The following PUDP variants were observed in gnomAD, a reference collection of about 807,000 sequenced individuals.
The protein encoded by PUDP is pseudouridine-5'-phosphatase.
In PUDP, 8 loss-of-function variants were observed where a neutral mutation model predicts 9.4. The ratio of observed to expected loss-of-function variants is 0.85; its 90% CI spans 0.50 to 1.53. The LOEUF (loss-of-function observed/expected upper bound fraction) is 1.53, where lower values mean the gene tolerates loss of function less well. Among genes scored for constraint, PUDP ranks in the 40% most tolerant of loss-of-function variants. The pLI is 0.00. For missense variants in PUDP, 188 were observed against 189.7 expected (o/e 0.99, Z 0.05); for synonymous variants, 99 against 80.7 (o/e 1.23, Z -1.22).
intron 3 of PUDP, among the ~76,000 whole-genome samples, chrX:6,851,656 C>G (rs985454689): frequency 1.8e-5 from 2 of 111,810 alleles, no homozygotes; most frequent in Non-Finnish European, 3.8e-5. Context: ...CTCTATCATA[C>G]GTATCTTCTG....
At chrX:6,906,843 T>C (rs1927774137) in intron 3 of PUDP, among the ~76,000 whole-genome samples, 1 of 111,705 alleles carries the variant, frequency 9.0e-6, no homozygotes, top group African/African-American at 3.3e-5. Flanking sequence ...ACACTGAAAA[T>C]GCAAACCCTA....
chrX:7,123,754 T>C (rs1932406803), intron 1 of PUDP, among the ~76,000 whole-genome samples: 1 of 111,436 alleles, frequency 9.0e-6, no homozygotes, highest in Non-Finnish European at 1.9e-5. Context: ...TCAGACAAAG[T>C]AGACTTAGGA....
chrX:6,744,725 G>A (rs1030752957), intron 3 of PUDP, among the ~76,000 whole-genome samples: 1 of 111,305 alleles, frequency 9.0e-6, no homozygotes, highest in African/African-American at 3.3e-5. Flanking sequence ...ACAGCTATGC[G>A]ATGACCCACT....
intron 2 of PUDP, among the ~76,000 whole-genome samples, chrX:7,099,525 G>T (rs1218866131): frequency 8.9e-6 from 1 of 112,410 alleles, no homozygotes; most frequent in Non-Finnish European, 1.9e-5. Context: ...TGCTCAAAAG[G>T]ATTTCCCACT....
At chrX:6,890,101 T>C (rs1305251320) in intron 3 of PUDP, among the ~76,000 whole-genome samples, 1 of 111,857 alleles carries the variant, frequency 8.9e-6, no homozygotes. Context: ...ATGGCATGCA[T>C]GTCAGAGGTA....
chrX:6,780,116 GTGTATATA>G (rs1431307296), intron 3 of PUDP, among the ~76,000 whole-genome samples: 1 of 97,781 alleles, frequency 1.0e-5, no homozygotes, highest in Non-Finnish European at 2.1e-5. Context: ...TCCTTTGTTT[GTGTATATA>G]TGTATATATA....
intron 3 of PUDP, among the ~76,000 whole-genome samples, chrX:6,880,915 C>T (rs1229401067): frequency 1.8e-5 from 2 of 112,373 alleles, no homozygotes; most frequent in East Asian, 2.8e-4. Context: ...TGTGCACATA[C>T]CTGTGAAGAG....
chrX:7,059,037 T>C (rs763403031), intron 3 of PUDP, among the ~76,000 whole-genome samples: 2 of 111,846 alleles, frequency 1.8e-5, no homozygotes, highest in East Asian at 2.8e-4. Context: ...AACATGTTTA[T>C]AACAAAACCC....
At position 6,751,918 on chromosome X, in the gene PUDP, C is replaced by T. The variant is rs747558738; in HGVS notation, c.*248-45452G>A. On this transcript the variant is annotated intron_variant and NMD_transcript_variant, in intron 3 of 3. Transcript: ENST00000655425. Reference sequence around the variant, plus strand: ...GCATCACCTGTGCTTCTTATAACCCCTCTCTGTCCTGAATCCTCCCTGGCC... The same window carrying T: ...GCATCACCTGTGCTTCTTATAACCCTTCTCTGTCCTGAATCCTCCCTGGCC... Among the ~76,000 whole-genome samples the T allele has an allele frequency of 2.7e-5, 3 of 110,888 alleles. No individual in the cohort carries two copies. In the South Asian group the frequency reaches 1.2e-3, roughly 44 times the overall value.
At chrX:7,066,418 T>C (rs900948994) in intron 3 of PUDP, among the ~76,000 whole-genome samples, 2 of 111,060 alleles carry the variant, frequency 1.8e-5, no homozygotes, top group African/African-American at 6.6e-5. Context: ...TTTTCCTAGA[T>C]AGGTGGGGGG....
intron 3 of PUDP, among the ~76,000 whole-genome samples, chrX:6,896,726 G>A (rs906175929): frequency 1.3e-4 from 15 of 111,182 alleles, no homozygotes; most frequent in African/African-American, 4.9e-4. Flanking sequence ...GAGAGTCCTG[G>A]ACTTGGAGTT....
intron 3 of PUDP, among the ~76,000 whole-genome samples, chrX:6,740,995 C>T (rs1602603467): frequency 1.8e-5 from 2 of 110,825 alleles, no homozygotes; most frequent in East Asian, 5.6e-4. Flanking sequence ...CCCATCTCTA[C>T]TAATAATACA....
At chrX:6,774,402 A>G (rs965868032) in intron 3 of PUDP, among the ~76,000 whole-genome samples, 1 of 112,196 alleles carries the variant, frequency 8.9e-6, no homozygotes, top group African/African-American at 3.2e-5. Flanking sequence ...CCTGAAATAT[A>G]TGACTATGTT....
chrX:7,070,354 G>A (rs1321591828), intron 3 of PUDP, among the ~76,000 whole-genome samples: 2 of 111,608 alleles, frequency 1.8e-5, no homozygotes, highest in Non-Finnish European at 3.8e-5. Context: ...GATGATGGGT[G>A]ACAGGAGGAG....
intron 3 of PUDP, among the ~76,000 whole-genome samples, chrX:6,971,502 C>T (rs1420719297): frequency 1.9e-5 from 2 of 107,072 alleles, no homozygotes; most frequent in African/African-American, 6.8e-5. Flanking sequence ...CTGCAAGCTC[C>T]GCCTCACTGG....
At chrX:6,998,885 C>T (rs1929286250) in intron 1 of PUDP, among the ~76,000 whole-genome samples, 1 of 110,914 alleles carries the variant, frequency 9.0e-6, no homozygotes, top group Non-Finnish European at 1.9e-5. Context: ...GGCAAAGAAC[C>T]AAAATGCAGA....
intron 3 of PUDP, among the ~76,000 whole-genome samples, chrX:6,948,310 GT>G (rs1928499421): frequency 1.8e-5 from 2 of 111,467 alleles, no homozygotes; most frequent in Admixed American, 1.9e-4. Flanking sequence ...TGTCTTCTAC[GT>G]TACTCCTTTG....
At chrX:7,118,234 C>T (rs1395623436) in intron 1 of PUDP, among the ~76,000 whole-genome samples, 3 of 112,252 alleles carry the variant, frequency 2.7e-5, no homozygotes, top group African/African-American at 9.7e-5. Flanking sequence ...AGCAGAAAGA[C>T]ACTGTGATTT....
At chrX:6,859,980 C>G (rs1164374058) in intron 3 of PUDP, among the ~76,000 whole-genome samples, 1 of 112,328 alleles carries the variant, frequency 8.9e-6, no homozygotes, top group African/African-American at 3.2e-5. Flanking sequence ...TTTGTCTGTG[C>G]AGTGGGCAGG....
Sources: allele counts gnomAD v4.1 joint callset (sites outside exome capture counted in the v4.1 genomes callset), GRCh38; gene constraint gnomAD v4.1.1; transcripts MANE v1.5; gene names NCBI Gene and HGNC (gene_info 2026-07-23, HGNC 2026-07-21).